SGCZ: variants seen among roughly 807,000 people sequenced by gnomAD.
The protein encoded by SGCZ is sarcoglycan zeta, also known as zeta-sarcoglycan.
A neutral mutation model predicts 41.3 loss-of-function variants in SGCZ; 40 were observed. The ratio of observed to expected loss-of-function variants is 0.97; its 90% CI spans 0.75 to 1.26. SGCZ has a LOEUF of 1.26. Among genes scored for constraint, SGCZ ranks in the 50% most tolerant of loss-of-function variants. SGCZ has a pLI of 0.00. For synonymous variants in SGCZ, 206 were observed against 137.5 expected, an observed-to-expected ratio of 1.50 and a Z score of -3.49; for missense variants, 552 against 369.8, an observed-to-expected ratio of 1.49 and a Z score of -4.04.
At chr8:14,520,633 G>T (rs560452437) in intron 2 of SGCZ, among the ~76,000 whole-genome samples, 2 of 151,808 alleles carry the variant, frequency 1.3e-5, no homozygotes, top group African/African-American at 4.8e-5. Flanking sequence ...CAGGGATAAG[G>T]GCACAATATA....
chr8:14,201,813 T>C (rs1185455726), intron 4 of SGCZ, among the ~76,000 whole-genome samples: 1 of 152,226 alleles, frequency 6.6e-6, no homozygotes, highest in East Asian at 1.9e-4. Context: ...TTTATAGAAA[T>C]GACAATTTCA....
rs144516034 is a variant in SGCZ, at chr8:15,236,436, G to A, written c.39+1149C>T. ...AACCTCTATTCGTCGTTTCTCCAGC[G>A]GGTGGGGGGGTGCCTAAACATTCTC... On this transcript the variant is annotated intron_variant, in intron 1 of 7. Transcript: ENST00000382080. Among the ~76,000 whole-genome samples, 263 of 151,768 alleles carry A rather than the reference G, an allele frequency of 1.7e-3. 1 individual carries two copies. Among genetic ancestry groups the A allele is most frequent in the Admixed American group, 2.9e-3 (44 of 15,276 alleles).
chr8:14,421,426 T>C lies in SGCZ; in HGVS notation c.235-97222A>G, dbSNP rs147080968. 5.3e-5 allele frequency among the ~76,000 whole-genome samples: 8 copies of C among 152,284 alleles called. No individual in the cohort carries two copies. In the East Asian group the frequency reaches 1.3e-3, roughly 26 times the overall value. On this transcript the variant is annotated intron_variant, in intron 2 of 7. Coordinates refer to ENST00000382080, the MANE Select transcript of SGCZ (RefSeq NM_139167.4). The stretch of plus-strand genomic sequence containing the variant: ...TGATATATTCACTGATTAATGCATG[T>C]ATATACCAGGTCTTGGGATCCCACA...
At chr8:14,505,151 C>A (rs2117060946) in intron 2 of SGCZ, among the ~76,000 whole-genome samples, 1 of 152,172 alleles carries the variant, frequency 6.6e-6, no homozygotes, top group Middle Eastern at 3.4e-3. Context: ...CCCATCCACC[C>A]ATCCCAAAAA....
chr8:14,140,046 G>T (rs1239492276), intron 5 of SGCZ, among the ~76,000 whole-genome samples: 2 of 147,936 alleles, frequency 1.4e-5, no homozygotes, highest in African/African-American at 4.9e-5. Flanking sequence ...CAAATCAATA[G>T]ACGTAACAGA....
chr8:15,175,561 G>C (rs1799971558), intron 1 of SGCZ, among the ~76,000 whole-genome samples: 1 of 152,036 alleles, frequency 6.6e-6, no homozygotes, highest in Non-Finnish European at 1.5e-5. Context: ...AGGAAGGAGA[G>C]CATCAGGAAC....
intron 1 of SGCZ, among the ~76,000 whole-genome samples, chr8:14,962,758 A>C (rs985679807): frequency 6.6e-6 from 1 of 152,222 alleles, no homozygotes; most frequent in African/African-American, 2.4e-5. Context: ...GGATCAATGC[A>C]ACAAATGATG....
intron 7 of SGCZ, among the ~76,000 whole-genome samples, chr8:14,096,088 T>C (rs1732360588): frequency 1.3e-5 from 2 of 152,158 alleles, no homozygotes; most frequent in Admixed American, 6.6e-5. Flanking sequence ...AATTGAAAAC[T>C]CTTTATTTCT....
intron 1 of SGCZ, among the ~76,000 whole-genome samples, chr8:15,082,926 AT>A (rs200407497): frequency 4.0e-5 from 6 of 150,740 alleles, no homozygotes; most frequent in East Asian, 3.9e-4. Context: ...ATTTTCTAGC[AT>A]TTTTTTTTCT....
At chr8:14,402,546 A>T (rs934456736) in intron 2 of SGCZ, among the ~76,000 whole-genome samples, 4 of 147,106 alleles carry the variant, frequency 2.7e-5, no homozygotes, top group Non-Finnish European at 5.9e-5. Flanking sequence ...TAAATAGGGA[A>T]TCCTTTCCCC....
chr8:14,688,023 C>T (rs1041369228), intron 1 of SGCZ, among the ~76,000 whole-genome samples: 37 of 152,090 alleles, frequency 2.4e-4, no homozygotes, highest in African/African-American at 7.2e-4. Context: ...ATGTCCTTCG[C>T]CCACTTTTTG....
intron 4 of SGCZ, among the ~76,000 whole-genome samples, chr8:14,230,166 CT>C (rs1806511050): frequency 6.6e-6 from 1 of 152,040 alleles, no homozygotes; most frequent in Non-Finnish European, 1.5e-5. Context: ...CATCAACTGA[CT>C]CCCTTCTCCA....
intron 1 of SGCZ, among the ~76,000 whole-genome samples, chr8:14,999,378 T>C (rs1214202697): frequency 6.6e-6 from 1 of 152,124 alleles, no homozygotes; most frequent in Non-Finnish European, 1.5e-5. Flanking sequence ...TTCCAAAGAA[T>C]AAGTAAAATG....
chr8:14,831,792 GTA>G (rs1438476054), intron 1 of SGCZ, among the ~76,000 whole-genome samples: 3 of 143,660 alleles, frequency 2.1e-5, no homozygotes, highest in African/African-American at 8.6e-5. Context: ...ATATATGTGT[GTA>G]CACATACATG....
chr8:14,329,833 TTTTTG>T (rs1802250735), intron 2 of SGCZ, among the ~76,000 whole-genome samples: 2 of 151,208 alleles, frequency 1.3e-5, no homozygotes, highest in South Asian at 4.2e-4. Context: ...TGGTATTTGT[TTTTTG>T]TTTTGGTTTG....
chr8:14,381,363 G>A (rs1369275908), intron 2 of SGCZ, among the ~76,000 whole-genome samples: 4 of 152,158 alleles, frequency 2.6e-5, no homozygotes, highest in Non-Finnish European at 4.4e-5. Flanking sequence ...TTCAGGTCCA[G>A]CCATCCTGAT....
intron 5 of SGCZ, among the ~76,000 whole-genome samples, chr8:14,134,779 G>C (rs1434651386): frequency 6.6e-6 from 1 of 152,022 alleles, no homozygotes. Flanking sequence ...TTAAATCAGG[G>C]TTTGGCAAAT....
intron 1 of SGCZ, among the ~76,000 whole-genome samples, chr8:14,566,620 T>C (rs1214793334): frequency 6.6e-6 from 1 of 152,264 alleles, no homozygotes; most frequent in African/African-American, 2.4e-5. Flanking sequence ...TGCTACCTTC[T>C]TCTTTTGTTT....
chr8:15,021,472 A>G (rs912788468), intron 1 of SGCZ, among the ~76,000 whole-genome samples: 1 of 152,210 alleles, frequency 6.6e-6, no homozygotes, highest in African/African-American at 2.4e-5. Flanking sequence ...CTGAGGTTGT[A>G]CACCCCTCTG....
Sources: gnomAD v4.1 joint callset for allele counts (sites outside exome capture counted in the v4.1 genomes callset) on GRCh38, gnomAD v4.1.1 for gene constraint, MANE v1.5 for transcripts, NCBI Gene and HGNC (gene_info 2026-07-23, HGNC 2026-07-21) for gene names.